The following TEF variants were observed in gnomAD, a reference collection of about 807,000 sequenced individuals.
The protein encoded by TEF is thyrotroph embryonic factor.
TEF carries 3 observed loss-of-function variants against 20.8 expected under a neutral mutation model. That is an observed-to-expected ratio of 0.14 (90% CI 0.07 to 0.37). TEF has a LOEUF of 0.37. TEF is among the 10% of genes least tolerant of loss of function. TEF has a pLI of 1.00. For synonymous variants in TEF, 180 were observed against 171.1 expected (o/e 1.05, Z -0.41); for missense variants, 296 against 397.9 (o/e 0.74, Z 2.18).
intron 1 of TEF, chr22:41,370,253 T>A (rs1772405534): frequency 3.8e-6 from 1 of 262,304 alleles, no homozygotes. Flanking sequence ...TAGCTGGGAC[T>A]ACAGGCGCCC....
At chr22:41,389,902 T>C (rs2037145685) in intron 2 of TEF, among the ~76,000 whole-genome samples, 1 of 152,018 alleles carries the variant, frequency 6.6e-6, no homozygotes, top group East Asian at 1.9e-4. Context: ...CATGTGCATG[T>C]CTTTTTTTTT....
intron 1 of TEF, among the ~76,000 whole-genome samples, chr22:41,384,078 C>G (rs2037066780): frequency 6.6e-6 from 1 of 152,234 alleles, no homozygotes; most frequent in South Asian, 2.1e-4. Context: ...TCTTAACTCA[C>G]TGGGTGTGTT....
In TEF at chr22:41,396,134, C is replaced by T. The variant is rs187570422; in HGVS notation, c.*174C>T. The T allele has an allele frequency of 1.4e-3, 924 of 666,618 alleles. 10 individuals carry two copies. Among genetic ancestry groups the T allele is most frequent in the Non-Finnish European group, 3.5e-4 (142 of 401,564 alleles). 41.3% of individuals were successfully genotyped at this position (666,618 alleles called of 1,614,324 possible). A position where few individuals can be genotyped will look rare whatever the true frequency, so the allele number is the denominator to read the frequency against. On this transcript the variant is annotated 3_prime_UTR_variant, in exon 4 of 4. Transcript: ENST00000266304. ...ATTATACCATGGCCTGCGCACGTGG[C>T]GACGTCCCTGAGGGGCCAGTCTCCT... is the stretch of plus-strand genomic sequence containing the variant.
intron 1 of TEF, chr22:41,369,192 G>A: frequency 3.0e-6 from 3 of 985,366 alleles, no homozygotes; most frequent in Non-Finnish European, 3.6e-6. Flanking sequence ...CCTTTGAAGT[G>A]TGGCAGCAGC....
intron 1 of TEF, among the ~76,000 whole-genome samples, chr22:41,385,550 C>T (rs1479150917): frequency 1.3e-5 from 2 of 152,122 alleles, no homozygotes; most frequent in Non-Finnish European, 2.9e-5. Context: ...GGGAACAGGA[C>T]AGGGGAACAC....
intron 2 of TEF, among the ~76,000 whole-genome samples, chr22:41,392,562 T>C (rs2037179723): frequency 6.8e-6 from 1 of 147,856 alleles, no homozygotes; most frequent in South Asian, 2.1e-4. Context: ...TAGTCCCAGC[T>C]ACTTGGGAGG....
At chr22:41,390,520 T>TTTTATTG (rs2037151738) in intron 2 of TEF, among the ~76,000 whole-genome samples, 1 of 128,048 alleles carries the variant, frequency 7.8e-6, no homozygotes, top group Non-Finnish European at 1.6e-5. Flanking sequence ...TTTTTTTTTT[T>TTTTATTG]GAGATGGAGT....
upstream of TEF, among the ~76,000 whole-genome samples, chr22:41,379,971 C>A (rs1184986612): frequency 6.6e-6 from 1 of 151,008 alleles, no homozygotes. Flanking sequence ...GTAAAGCAAT[C>A]GAGGCATCAG....
chr22:41,386,506 TGAGGC>T, intron 1 of TEF, among the ~76,000 whole-genome samples: 2 of 150,472 alleles, frequency 1.3e-5, no homozygotes, highest in Non-Finnish European at 1.5e-5. Flanking sequence ...TTTGGGAGGC[TGAGGC>T]GGGTGGATCA....
chr22:41,395,619 C>G, intron 3 of TEF, 126 bp from the exon 4 acceptor site: 1 of 933,990 alleles, frequency 1.1e-6, no homozygotes, highest in Non-Finnish European at 1.6e-6. Context: ...GCTGCTCCCT[C>G]CCTGGTATCC....
intron 1 of TEF, among the ~76,000 whole-genome samples, chr22:41,372,773 C>T (rs766390524): frequency 3.9e-5 from 6 of 152,032 alleles, no homozygotes; most frequent in East Asian, 1.9e-4. Context: ...AGGCAGGAGG[C>T]GGTGGTGGTC....
intron 1 of TEF, among the ~76,000 whole-genome samples, chr22:41,371,267 G>A (rs1237506605): frequency 2.6e-5 from 4 of 152,184 alleles, no homozygotes; most frequent in Non-Finnish European, 5.9e-5. Context: ...TGCCATCTCC[G>A]GTCACTCAGG....
chr22:41,376,310 C>T (rs1022976606), intron 1 of TEF, among the ~76,000 whole-genome samples: 6 of 152,238 alleles, frequency 3.9e-5, no homozygotes, highest in African/African-American at 1.4e-4. Flanking sequence ...AATCTCGGCT[C>T]ACCGCAACTT....
At chr22:41,383,915 G>C (rs2037064773) in intron 1 of TEF, among the ~76,000 whole-genome samples, 1 of 152,230 alleles carries the variant, frequency 6.6e-6, no homozygotes, top group African/African-American at 2.4e-5. Context: ...AGGAGAGCAG[G>C]AAGGCCATCT....
intron 1 of TEF, among the ~76,000 whole-genome samples, chr22:41,384,729 A>G (rs1260565214): frequency 3.9e-5 from 6 of 152,170 alleles, no homozygotes; most frequent in Non-Finnish European, 8.8e-5. Context: ...TGATGCCTAC[A>G]GTGTGCCAGG....
intron 1 of TEF, among the ~76,000 whole-genome samples, chr22:41,384,297 C>T (rs1026059527): frequency 2.6e-5 from 4 of 152,208 alleles, no homozygotes; most frequent in Non-Finnish European, 5.9e-5. Flanking sequence ...TGATTTCCTT[C>T]CAACCTTGTC....
At chr22:41,367,758 C>T (rs1379424618) in intron 1 of TEF, among the ~76,000 whole-genome samples, 2 of 152,088 alleles carry the variant, frequency 1.3e-5, no homozygotes, top group Non-Finnish European at 2.9e-5. Flanking sequence ...GAGAGGGGTT[C>T]GAGGAGGCAT....
intron 1 of TEF, among the ~76,000 whole-genome samples, chr22:41,371,024 G>C (rs1454379713): frequency 6.6e-6 from 1 of 152,102 alleles, no homozygotes; most frequent in Non-Finnish European, 1.5e-5. Flanking sequence ...ATGTCCCTGG[G>C]CCCTAAATCC....
intron 2 of TEF, 132 bp from the exon 3 acceptor site, chr22:41,393,964 G>C (rs1343408990): frequency 2.9e-6 from 2 of 689,270 alleles, no homozygotes; most frequent in Non-Finnish European, 4.9e-6. Flanking sequence ...GGCTGGTACT[G>C]TTGGGGTTTT....
Sources: allele counts gnomAD v4.1 joint callset (sites outside exome capture counted in the v4.1 genomes callset), GRCh38; gene constraint gnomAD v4.1.1; transcripts MANE v1.5; gene names NCBI Gene and HGNC (gene_info 2026-07-23, HGNC 2026-07-21).